Variants in SEC14L5 observed in about 807,000 individuals in gnomAD.
SEC14L5 encodes SEC14-like protein 5.
A neutral mutation model predicts 84.6 loss-of-function variants in SEC14L5; 96 were observed. That is an observed-to-expected ratio of 1.13 (90% CI 0.96 to 1.34). SEC14L5 has a LOEUF of 1.34. Among genes scored for constraint, SEC14L5 ranks in the 40% most tolerant of loss-of-function variants. The pLI is 0.00. For missense variants in SEC14L5, 1,224 were observed against 942.5 expected (o/e 1.30, Z -3.91); for synonymous variants, 546 against 383.4 (o/e 1.42, Z -4.95).
At position 5,014,787 on chromosome 16, in the gene SEC14L5, C is replaced by T. The variant is rs1422485204; in HGVS notation, c.1980-72C>T. 7 of 1,181,286 alleles carry T rather than the reference C, an allele frequency of 5.9e-6. No individual in the cohort carries two copies. In the African/African-American group the frequency reaches 7.5e-5, roughly 13 times the overall value. 73.2% of individuals were successfully genotyped at this position (1,181,286 alleles called of 1,614,324 possible). On this transcript the variant is annotated intron_variant, in intron 15 of 15. Coordinates refer to ENST00000251170, the MANE Select transcript of SEC14L5 (RefSeq NM_014692.2). ...CTGATTTGCAGCATCAACAGCTTTT[C>T]CACTGCTGTGTGTCAGCCCAAGGGC...
At chr16:4,988,737 C>T (rs989828350) in intron 4 of SEC14L5, among the ~76,000 whole-genome samples, 3 of 152,190 alleles carry the variant, frequency 2.0e-5, no homozygotes, top group East Asian at 3.8e-4. Context: ...TTAAGTTCTA[C>T]GTAAATGTTA....
chr16:5,007,594 CTTTCTTTCTTTCT>C (rs1955746128), intron 13 of SEC14L5, 108 bp downstream of exon 13: 2 of 787,364 alleles, frequency 2.5e-6, no homozygotes, highest in Non-Finnish European at 1.9e-6. Flanking sequence ...TCTTTTCTTT[CTTTCTTTCTTTCT>C]TTTTTTTTTT....
chr16:4,984,089 T>C (rs952104342), intron 2 of SEC14L5, among the ~76,000 whole-genome samples: 2 of 152,144 alleles, frequency 1.3e-5, no homozygotes, highest in African/African-American at 4.8e-5. Flanking sequence ...AGATTCATAA[T>C]ATTGTGCAAG....
intron 10 of SEC14L5, among the ~76,000 whole-genome samples, chr16:5,002,034 G>C (rs980214892): frequency 4.1e-4 from 63 of 152,194 alleles, no homozygotes; most frequent in African/African-American, 1.4e-3. Flanking sequence ...CCTTCCAAAG[G>C]GTTGGGATTA....
At chr16:4,968,315 G>T (rs1223113708) in intron 2 of SEC14L5, among the ~76,000 whole-genome samples, 3 of 151,948 alleles carry the variant, frequency 2.0e-5, no homozygotes, top group Non-Finnish European at 4.4e-5. Context: ...GAGTAGCTGG[G>T]ATTACAGGCA....
Position 4,996,479 on chromosome 16 carries a change from C to A in SEC14L5, c.780+19C>A. ...AGGCAAGGTGGGTGCAGGGGGTACC[C>A]TGGAGCAGTGGATGAATGGGCAATG... On this transcript the variant is annotated intron_variant, in intron 7 of 15. Transcript: ENST00000251170. 7.2e-7 allele frequency: 1 copy of A among 1,398,030 alleles called. No individual in the cohort carries two copies. Among genetic ancestry groups the A allele is most frequent in the Non-Finnish European group, 9.9e-7 (1 of 1,006,330 alleles). 86.6% of individuals were successfully genotyped at this position (1,398,030 alleles called of 1,614,324 possible).
At chr16:4,983,568 A>G (rs1596624385) in intron 2 of SEC14L5, among the ~76,000 whole-genome samples, 1 of 150,520 alleles carries the variant, frequency 6.6e-6, no homozygotes, top group Admixed American at 6.6e-5. Context: ...ATTTATATAT[A>G]CACTTAAATA....
intron 10 of SEC14L5, among the ~76,000 whole-genome samples, chr16:5,001,645 G>C (rs1955679405): frequency 6.6e-6 from 1 of 152,130 alleles, no homozygotes; most frequent in African/African-American, 2.4e-5. Context: ...GTCCTCTGCA[G>C]GAACCCACTG....
At position 5,003,459 on chromosome 16, in the gene SEC14L5, G is replaced by A. The variant is rs112049760; in HGVS notation, c.1188G>A (p.Pro396=). 24 of 1,612,846 alleles carry A rather than the reference G, an allele frequency of 1.5e-5. No homozygotes were observed. Among genetic ancestry groups the A allele is most frequent in the African/African-American group, 1.2e-4 (9 of 75,010 alleles). Residue 396 remains proline, a synonymous_variant, in exon 11 of 16, where the codon CCG becomes CCA. Coordinates refer to ENST00000251170, the MANE Select transcript of SEC14L5 (RefSeq NM_014692.2). ...TCAACATGCGGCACCTGTGGCGGCC[G>A]GGGGTGAAGGCCCTGCTGCGGATGA... The part of the protein sequence containing the change: ...EGLNMRHLWR[P]GVKALLRMIE...
rs539774026 is a variant in SEC14L5 at position 4,990,623 on chromosome 16, T to A, written c.346-144T>A. 4 of 684,496 alleles carry A rather than the reference T, an allele frequency of 5.8e-6. No homozygotes were observed. In the East Asian group the frequency reaches 1.3e-4, roughly 22 times the overall value. 42.4% of individuals were successfully genotyped at this position (684,496 alleles called of 1,614,324 possible). On this transcript the variant is annotated intron_variant, in intron 4 of 15. Transcript: ENST00000251170. ...CGTTCTCTGGGTGGGGGCCCCTTGG[T>A]CCTGCTACCCCATCCAGGGTTGCCA...
At chr16:4,965,766 T>C (rs1308080313) in intron 2 of SEC14L5, among the ~76,000 whole-genome samples, 3 of 146,874 alleles carry the variant, frequency 2.0e-5, no homozygotes, top group African/African-American at 5.0e-5. Context: ...TTAAGGCCAG[T>C]TGTGGTGGCT....
Position 4,991,830 on chromosome 16 carries a change from G to A in SEC14L5, c.475-8G>A, listed in dbSNP as rs1955556115. ...TGCTCATGTGTCTTGGGTCTCTCTG[G>A]CTTCCAGGGGAAGGAGGTGATTGAG... On this transcript the variant is annotated splice_polypyrimidine_tract_variant and splice_region_variant and intron_variant, in intron 5 of 15. Coordinates refer to ENST00000251170, the MANE Select transcript of SEC14L5 (RefSeq NM_014692.2). 6.3e-7 allele frequency: 1 copy of A among 1,592,320 alleles called. No individual in the cohort carries two copies. The highest frequency in any genetic ancestry group is 8.6e-7 in the Non-Finnish European group (1 of 1,168,496).
At chr16:5,013,619 C>T (rs1955833453) in intron 15 of SEC14L5, among the ~76,000 whole-genome samples, 1 of 128,114 alleles carries the variant, frequency 7.8e-6, no homozygotes, top group Non-Finnish European at 1.6e-5. Flanking sequence ...AGTACAGTGG[C>T]ACGATATCTA....
In SEC14L5 at chr16:5,016,031, G is replaced by A. The variant is rs1183070759; in HGVS notation, c.*1061G>A. 6.6e-6 allele frequency: 1 copy of A among 152,174 alleles called. No homozygotes were observed. Among genetic ancestry groups the A allele is most frequent in the Non-Finnish European group, 1.5e-5 (1 of 68,044 alleles). The allele number at this position is 152,174 out of a possible 1,614,324, so 9.4% of individuals were successfully genotyped here. ...GTAAGCCACAGAGACCCATGCCCAG[G>A]TGCTTCAACACAAAAGCATGATCAT... On this transcript the variant is annotated 3_prime_UTR_variant, in exon 16 of 16. Coordinates refer to ENST00000251170, the MANE Select transcript of SEC14L5 (RefSeq NM_014692.2).
chr16:4,990,893 A>C lies in SEC14L5; in HGVS notation c.472A>C (p.Arg158=), dbSNP rs374595637. Residue 158 remains arginine, a splice_region_variant and synonymous_variant, in exon 5 of 16, where the codon AGG becomes CGG. Transcript: ENST00000251170. ...AMKQYTANVK[R]GKEVIEHYLN... is the part of the protein sequence containing the mutation. The stretch of plus-strand genomic sequence containing the variant: ...GAAGCAGTACACCGCCAACGTCAAG[A>C]GGGTAAGCGGTGGGTTGCGTTAGTT... 2.3e-5 allele frequency: 37 copies of C among 1,588,976 alleles called. No individual in the cohort carries two copies. Among genetic ancestry groups the C allele is most frequent in the African/African-American group, 4.0e-5 (3 of 74,118 alleles).
chr16:4,965,297 G>A (rs764978966), intron 2 of SEC14L5, among the ~76,000 whole-genome samples: 1 of 151,986 alleles, frequency 6.6e-6, no homozygotes, highest in African/African-American at 2.4e-5. Flanking sequence ...AGTTTGGGGG[G>A]ACTATTATAA....
chr16:4,970,512 G>C (rs113596808), intron 2 of SEC14L5, among the ~76,000 whole-genome samples: 1 of 152,150 alleles, frequency 6.6e-6, no homozygotes, highest in African/African-American at 2.4e-5. Flanking sequence ...ATTTAAAATA[G>C]TGTTTCCCCT....
chr16:4,998,737 C>CAAAAAAAAAAAAAAAAAAAAAAA (rs60494025), intron 8 of SEC14L5, among the ~76,000 whole-genome samples: 2 of 94,036 alleles, frequency 2.1e-5, no homozygotes, highest in Non-Finnish European at 4.0e-5. Flanking sequence ...GACTCCGTCT[C>CAAAAAAAAAAAAAAAAAAAAAAA]AAAAAAAAAA....
intron 8 of SEC14L5, among the ~76,000 whole-genome samples, chr16:4,999,292 A>G (rs1257820986): frequency 1.3e-5 from 2 of 152,126 alleles, no homozygotes; most frequent in Non-Finnish European, 2.9e-5. Context: ...GATCAGCAAT[A>G]TGCATTCAAG....
Sources: allele counts gnomAD v4.1 joint callset (sites outside exome capture counted in the v4.1 genomes callset), GRCh38; gene constraint gnomAD v4.1.1; transcripts MANE v1.5; gene names NCBI Gene and HGNC (gene_info 2026-07-23, HGNC 2026-07-21).